The following GPC6 variants were observed in gnomAD, a reference collection of about 807,000 sequenced individuals.
The protein encoded by GPC6 is glypican-6.
A neutral mutation model predicts 55.2 loss-of-function variants in GPC6; 14 were observed. The observed-to-expected ratio is 0.25, with a 90% CI of 0.17 to 0.40. The LOEUF is 0.40. GPC6 is among the 10% of genes least tolerant of loss of function. The pLI, the probability that GPC6 is intolerant of heterozygous loss-of-function variation, is 1.00. For synonymous variants in GPC6, 278 were observed against 259.6 expected (o/e 1.07, Z -0.68); for missense variants, 641 against 708.5 (o/e 0.90, Z 1.08).
At chr13:93,534,415 T>G (rs537146186) in intron 1 of GPC6, among the ~76,000 whole-genome samples, 2 of 152,080 alleles carry the variant, frequency 1.3e-5, no homozygotes, top group South Asian at 4.2e-4. Context: ...GTCTGTTTGT[T>G]TGGGATGTGC....
At chr13:93,787,435 G>A (rs1308254460) in intron 2 of GPC6, among the ~76,000 whole-genome samples, 2 of 152,158 alleles carry the variant, frequency 1.3e-5, no homozygotes, top group Admixed American at 6.5e-5. Context: ...CGGGCAATGG[G>A]CCAGATTTGG....
chr13:93,880,724 A>C (rs1874911769), intron 3 of GPC6, among the ~76,000 whole-genome samples: 1 of 152,102 alleles, frequency 6.6e-6, no homozygotes, highest in African/African-American at 2.4e-5. Context: ...TAATAAAATA[A>C]AATAAAAAAT....
chr13:94,251,623 C>G (rs190832344), intron 4 of GPC6, among the ~76,000 whole-genome samples: 1 of 151,706 alleles, frequency 6.6e-6, no homozygotes, highest in East Asian at 1.9e-4. Context: ...GTGCCGTTGT[C>G]ACGTCCTTTG....
intron 4 of GPC6, among the ~76,000 whole-genome samples, chr13:94,228,491 AATCTT>A (rs1471938496): frequency 6.6e-6 from 1 of 152,192 alleles, no homozygotes; most frequent in Non-Finnish European, 1.5e-5. Context: ...ATATTTTAGA[AATCTT>A]ATGCCTTTAC....
intron 2 of GPC6, among the ~76,000 whole-genome samples, chr13:93,668,605 G>C (rs924827581): frequency 6.6e-6 from 1 of 152,106 alleles, no homozygotes; most frequent in Non-Finnish European, 1.5e-5. Flanking sequence ...GAAGCCATGC[G>C]AAAGGAGACC....
At chr13:93,617,443 A>T (rs539654689) in intron 2 of GPC6, among the ~76,000 whole-genome samples, 33 of 152,204 alleles carry the variant, frequency 2.2e-4, no homozygotes, top group Non-Finnish European at 4.3e-4. Context: ...GAAGAGAGAG[A>T]TATAACTTAA....
At chr13:93,400,705 A>G (rs983721675) in intron 1 of GPC6, among the ~76,000 whole-genome samples, 21 of 152,180 alleles carry the variant, frequency 1.4e-4, no homozygotes, top group Non-Finnish European at 2.8e-4. Context: ...TATCTCATGT[A>G]CCTCGTAGTA....
At chr13:94,250,974 G>A (rs767806745) in intron 4 of GPC6, among the ~76,000 whole-genome samples, 42 of 152,124 alleles carry the variant, frequency 2.8e-4, no homozygotes, top group Non-Finnish European at 4.6e-4. Context: ...TTAAAACCAT[G>A]TTAAGTAAAT....
At chr13:93,657,042 A>C (rs983459902) in intron 2 of GPC6, among the ~76,000 whole-genome samples, 1 of 152,124 alleles carries the variant, frequency 6.6e-6, no homozygotes, top group Admixed American at 6.6e-5. Flanking sequence ...CAATGTACAG[A>C]TTCAATGTTA....
intron 4 of GPC6, among the ~76,000 whole-genome samples, chr13:94,044,847 A>G (rs1883669560): frequency 6.6e-6 from 1 of 151,830 alleles, no homozygotes; most frequent in African/African-American, 2.4e-5. Context: ...TTTTTAGTTT[A>G]ATTTTTCCAC....
rs1450401296 is a variant in GPC6, at chr13:94,318,931, C to T, written c.1152+12808C>T. Among the ~76,000 whole-genome samples the T allele has an allele frequency of 5.9e-5, 9 of 152,032 alleles. No individual in the cohort carries two copies. In the East Asian group the frequency reaches 1.7e-3, roughly 29 times the overall value. On this transcript the variant is annotated intron_variant, in intron 6 of 8. Transcript: ENST00000377047. ...TTTTAAAAATATTTAACTGAAATAT[C>T]TTTTTTCATTTTACTTTCAACATTT...
intron 3 of GPC6, among the ~76,000 whole-genome samples, chr13:93,983,098 A>G (rs1277739968): frequency 6.6e-6 from 1 of 152,184 alleles, no homozygotes; most frequent in African/African-American, 2.4e-5. Flanking sequence ...AGGAATAAAT[A>G]TATATTTATA....
intron 3 of GPC6, among the ~76,000 whole-genome samples, chr13:93,962,429 T>TA (rs1879826811): frequency 1.3e-5 from 2 of 151,648 alleles, no homozygotes; most frequent in Non-Finnish European, 2.9e-5. Flanking sequence ...ATATATATAT[T>TA]TTTTTTCTTT....
At chr13:93,538,543 G>C (rs1228732733) in intron 1 of GPC6, among the ~76,000 whole-genome samples, 1 of 152,168 alleles carries the variant, frequency 6.6e-6, no homozygotes, top group African/African-American at 2.4e-5. Flanking sequence ...AACTGGGCCA[G>C]GATCAGCGTT....
chr13:93,800,522 T>C (rs968496727), intron 2 of GPC6, among the ~76,000 whole-genome samples: 1 of 152,142 alleles, frequency 6.6e-6, no homozygotes, highest in Non-Finnish European at 1.5e-5. Context: ...AAACTGTCTT[T>C]AGAGCAGAGA....
intron 1 of GPC6, among the ~76,000 whole-genome samples, chr13:93,457,715 C>T (rs2813627): frequency 6.8e-6 from 1 of 146,662 alleles, no homozygotes; most frequent in South Asian, 2.2e-4. Flanking sequence ...TATCACATTC[C>T]TCACTTAAAT....
At position 93,432,648 on chromosome 13, in the gene GPC6, A is replaced by G. The variant is rs549572213; in HGVS notation, c.161-112615A>G. 9.2e-5 allele frequency among the ~76,000 whole-genome samples: 14 copies of G among 152,330 alleles called. No individual in the cohort carries two copies. The East Asian group carries it at 2.5e-3, about 27-fold the overall frequency. On this transcript the variant is annotated intron_variant, in intron 1 of 8. Coordinates refer to ENST00000377047, the MANE Select transcript of GPC6 (RefSeq NM_005708.5). ...AAATACCTCCCTTGCTAAAAGATGT[A>G]TTAATTTACTACTTAGTAGAAACAA... is the stretch of plus-strand genomic sequence containing the variant.
chr13:93,434,636 T>A (rs1877497738), intron 1 of GPC6, among the ~76,000 whole-genome samples: 1 of 152,204 alleles, frequency 6.6e-6, no homozygotes, highest in African/African-American at 2.4e-5. Context: ...TACTGGCATA[T>A]AATCTGTCTG....
chr13:93,752,217 A>G (rs553027925), intron 2 of GPC6, among the ~76,000 whole-genome samples: 4 of 152,248 alleles, frequency 2.6e-5, no homozygotes, highest in African/African-American at 9.6e-5. Context: ...ATGGTAAACA[A>G]GCCATCTTAC....
Sources: allele counts gnomAD v4.1 joint callset (sites outside exome capture counted in the v4.1 genomes callset), GRCh38; gene constraint gnomAD v4.1.1; transcripts MANE v1.5; gene names NCBI Gene and HGNC (gene_info 2026-07-23, HGNC 2026-07-21).